SDCCAG8: variants seen among roughly 807,000 people sequenced by gnomAD.
The protein encoded by SDCCAG8 is SHH signaling and ciliogenesis regulator SDCCAG8, also known as serologically defined colon cancer antigen 8.
Under a neutral mutation model 101.8 loss-of-function variants are expected in SDCCAG8, and 74 were observed. That is an observed-to-expected ratio of 0.73 (90% CI 0.60 to 0.88). The LOEUF is 0.88. Among genes scored for constraint, SDCCAG8 ranks in the 40% least tolerant of loss-of-function variants. SDCCAG8 has a pLI of 0.00. For missense variants in SDCCAG8, 787 were observed against 822.6 expected, an observed-to-expected ratio of 0.96 and a Z score of 0.53; for synonymous variants, 281 against 292.9, an observed-to-expected ratio of 0.96 and a Z score of 0.41.
At chr1:243,438,719 G>T (rs2148082055) in intron 16 of SDCCAG8, among the ~76,000 whole-genome samples, 1 of 152,306 alleles carries the variant, frequency 6.6e-6, no homozygotes, top group East Asian at 1.9e-4. Flanking sequence ...TTTCTGTGAT[G>T]TTAGCGTTTT....
At chr1:243,346,260 A>T (rs1186083666) in intron 12 of SDCCAG8, 2 of 154,404 alleles carry the variant, frequency 1.3e-5, no homozygotes, top group African/African-American at 4.8e-5. Flanking sequence ...CTTGGCCACC[A>T]TCTGCACTCA....
chr1:243,374,139 C>T (rs1160893988), intron 12 of SDCCAG8, among the ~76,000 whole-genome samples: 9 of 151,824 alleles, frequency 5.9e-5, no homozygotes, highest in Admixed American at 2.0e-4. Context: ...ATTTTCTTAA[C>T]GTTCAAAATG....
intron 12 of SDCCAG8, among the ~76,000 whole-genome samples, chr1:243,353,520 A>AAAAAAAAAAAAAAAAAAT (rs2076217370): frequency 6.7e-6 from 1 of 148,680 alleles, no homozygotes; most frequent in African/African-American, 2.5e-5. Flanking sequence ...AAAAAAAAAA[A>AAAAAAAAAAAAAAAAAAT]AAAGAATGTT....
At chr1:243,496,335 G>A (rs570135435) in intron 17 of SDCCAG8, among the ~76,000 whole-genome samples, 3 of 151,274 alleles carry the variant, frequency 2.0e-5, no homozygotes, top group South Asian at 4.1e-4. Flanking sequence ...AACACGAGGC[G>A]GAGGCGGGAG....
rs1051919568 is a variant in SDCCAG8, at chr1:243,378,877, C to G, written c.1616+14C>G. 1.2e-6 allele frequency: 2 copies of G among 1,613,948 alleles called. No individual in the cohort carries two copies. The highest frequency in any genetic ancestry group is 1.7e-5 in the Admixed American group (1 of 59,964). On this transcript the variant is annotated intron_variant, in intron 13 of 17. Transcript: ENST00000366541. Reference sequence around the variant, plus strand: ...GCACCTCACCAGGTACTCCCTAATCCCATTATGCGCCATAGCACCGATTTC... The same window carrying G: ...GCACCTCACCAGGTACTCCCTAATCGCATTATGCGCCATAGCACCGATTTC...
At chr1:243,420,318 A>G (rs2080907040) in intron 15 of SDCCAG8, among the ~76,000 whole-genome samples, 1 of 152,214 alleles carries the variant, frequency 6.6e-6, no homozygotes, top group African/African-American at 2.4e-5. Context: ...GCATACATAC[A>G]CGTATCAAGT....
intron 13 of SDCCAG8, among the ~76,000 whole-genome samples, chr1:243,393,654 A>G (rs1324737138): frequency 6.6e-6 from 1 of 152,136 alleles, no homozygotes; most frequent in African/African-American, 2.4e-5. Flanking sequence ...TGCTGTTTGT[A>G]TGGTTCTGGC....
chr1:243,354,004 A>G (rs2076249383), intron 12 of SDCCAG8, among the ~76,000 whole-genome samples: 1 of 152,248 alleles, frequency 6.6e-6, no homozygotes, highest in Non-Finnish European at 1.5e-5. Context: ...GGATTAGCAC[A>G]TGACTGTTGA....
At chr1:243,442,633 C>T (rs183039443) in intron 16 of SDCCAG8, among the ~76,000 whole-genome samples, 3 of 152,080 alleles carry the variant, frequency 2.0e-5, no homozygotes, top group African/African-American at 7.2e-5. Context: ...AAAGTATAGC[C>T]ACAAAAGTTC....
At position 243,499,768 on chromosome 1, in the gene SDCCAG8, C is replaced by A; in HGVS notation, c.2125C>A (p.Pro709Thr). Residue 709 changes from proline to threonine, a missense_variant, in exon 18 of 18, where the codon CCA (proline) becomes ACA (threonine). Physicochemically the swap from Pro to Thr is conservative, Grantham distance 38. Coordinates refer to ENST00000366541, the MANE Select transcript of SDCCAG8 (RefSeq NM_006642.5). Reference sequence around the variant, plus strand: ...TTATTTTTTCCAGTTACCCAGCATGCCACAATCTGATTGCTGACCTGGATG... The same window carrying A: ...TTATTTTTTCCAGTTACCCAGCATGACACAATCTGATTGCTGACCTGGATG... ...DRLRTQLPSM[P>T]QSDC 1 of 1,612,056 alleles carries A rather than the reference C, an allele frequency of 6.2e-7. No homozygotes were observed. The highest frequency in any genetic ancestry group is 8.5e-7 in the Non-Finnish European group (1 of 1,178,408).
chr1:243,462,968 AG>A (rs1255721637), intron 16 of SDCCAG8, among the ~76,000 whole-genome samples: 6 of 152,242 alleles, frequency 3.9e-5, no homozygotes, highest in African/African-American at 1.4e-4. Flanking sequence ...TGGTTTTGTC[AG>A]TGGTTCTCTG....
At chr1:243,418,146 A>T (rs940035704) in intron 15 of SDCCAG8, 70 bp downstream of exon 15, 16 of 1,079,056 alleles carry the variant, frequency 1.5e-5, no homozygotes, top group Non-Finnish European at 2.1e-5. Context: ...CTTAAAAAAC[A>T]TCATTTGCAC....
intron 16 of SDCCAG8, among the ~76,000 whole-genome samples, chr1:243,446,292 T>C (rs1168105872): frequency 6.6e-6 from 1 of 152,210 alleles, no homozygotes; most frequent in Admixed American, 6.5e-5. Context: ...AGACAGGGTC[T>C]CACTGTCTTT....
At chr1:243,351,805 T>C (rs1269176498) in intron 12 of SDCCAG8, among the ~76,000 whole-genome samples, 1 of 152,262 alleles carries the variant, frequency 6.6e-6, no homozygotes, top group African/African-American at 2.4e-5. Context: ...CTTATTTTTC[T>C]AAAATGCTGT....
intron 16 of SDCCAG8, among the ~76,000 whole-genome samples, chr1:243,428,229 G>T (rs1055840476): frequency 3.9e-5 from 6 of 152,278 alleles, no homozygotes; most frequent in South Asian, 2.1e-4. Flanking sequence ...AGACAAACGT[G>T]CCGAATGAAG....
chr1:243,379,439 T>C (rs974889209), intron 13 of SDCCAG8, among the ~76,000 whole-genome samples: 4 of 152,204 alleles, frequency 2.6e-5, no homozygotes, highest in Non-Finnish European at 5.9e-5. Context: ...GATTTTGTGA[T>C]GTGATCATCA....
intron 13 of SDCCAG8, among the ~76,000 whole-genome samples, chr1:243,380,180 A>G (rs908059676): frequency 6.6e-6 from 1 of 152,216 alleles, no homozygotes. Flanking sequence ...CATATATGAG[A>G]AAAAAATTGC....
At chr1:243,323,887 C>T (rs535460029) in intron 9 of SDCCAG8, among the ~76,000 whole-genome samples, 2 of 152,268 alleles carry the variant, frequency 1.3e-5, no homozygotes, top group Admixed American at 1.3e-4. Context: ...TGATATGTTA[C>T]TCTCATGGGT....
chr1:243,489,461 G>T (rs1665846456), intron 17 of SDCCAG8, among the ~76,000 whole-genome samples: 1 of 152,208 alleles, frequency 6.6e-6, no homozygotes, highest in South Asian at 2.1e-4. Flanking sequence ...GGCCGTGGGC[G>T]GCAGAACAGG....
Sources: allele counts gnomAD v4.1 joint callset (sites outside exome capture counted in the v4.1 genomes callset), GRCh38; gene constraint gnomAD v4.1.1; transcripts MANE v1.5; gene names NCBI Gene and HGNC (gene_info 2026-07-23, HGNC 2026-07-21).